The following CNTN6 variants were observed in gnomAD, a reference collection of about 807,000 sequenced individuals.
The protein encoded by CNTN6 is contactin-6.
CNTN6 carries 137 observed loss-of-function variants against 122.8 expected under a neutral mutation model. The ratio of observed to expected loss-of-function variants is 1.12; its 90% CI spans 0.97 to 1.29. The LOEUF is 1.29. CNTN6 is among the 50% of genes most tolerant of loss of function. The pLI is 0.00. For synonymous variants in CNTN6, 570 were observed against 426.0 expected, an observed-to-expected ratio of 1.34 and a Z score of -4.16; for missense variants, 1,634 against 1,223.4, an observed-to-expected ratio of 1.34 and a Z score of -5.01.
intron 2 of CNTN6, among the ~76,000 whole-genome samples, chr3:1,198,421 T>C (rs1370351882): frequency 1.3e-5 from 2 of 152,168 alleles, no homozygotes; most frequent in Non-Finnish European, 2.9e-5. Context: ...ACCACACAAA[T>C]TGCATTTTGA....
At chr3:1,282,970 A>G (rs1015738408) in intron 5 of CNTN6, among the ~76,000 whole-genome samples, 7 of 152,102 alleles carry the variant, frequency 4.6e-5, no homozygotes, top group Non-Finnish European at 1.0e-4. Context: ...AGAAAGAGAC[A>G]ACACAAAACT....
intron 19 of CNTN6, among the ~76,000 whole-genome samples, chr3:1,384,403 C>A (rs879157199): frequency 7.0e-6 from 1 of 141,892 alleles, no homozygotes; most frequent in African/African-American, 3.1e-5. Flanking sequence ...AAGATGTAAT[C>A]ATCTCAGAAA....
chr3:1,282,665 A>C (rs1693673906), intron 5 of CNTN6, among the ~76,000 whole-genome samples: 1 of 152,198 alleles, frequency 6.6e-6, no homozygotes, highest in South Asian at 2.1e-4. Flanking sequence ...ACTGCAATGC[A>C]CATCTGATTA....
chr3:1,362,809 T>A (rs1226687374), intron 12 of CNTN6, among the ~76,000 whole-genome samples: 1 of 151,464 alleles, frequency 6.6e-6, no homozygotes, highest in Non-Finnish European at 1.5e-5. Context: ...ATTCAAGAAA[T>A]TATGTGAGTC....
At chr3:1,372,506 AAATG>A in intron 13 of CNTN6, 32 bp downstream of exon 13, 1 of 1,533,428 alleles carries the variant, frequency 6.5e-7, no homozygotes, top group East Asian at 2.3e-5. Flanking sequence ...GTGCTTAATA[AAATG>A]AATCAAGTCT....
chr3:1,101,265 G>C (rs1356845710), intron 1 of CNTN6, among the ~76,000 whole-genome samples: 2 of 152,134 alleles, frequency 1.3e-5, no homozygotes, highest in Non-Finnish European at 2.9e-5. Context: ...TAATGCAAAG[G>C]ACCCCTTTTT....
At chr3:1,389,946 C>G (rs1274793318) in intron 20 of CNTN6, among the ~76,000 whole-genome samples, 1 of 150,446 alleles carries the variant, frequency 6.6e-6, no homozygotes, top group Non-Finnish European at 1.5e-5. Context: ...CTTAGACTCC[C>G]ACACATTAAT....
chr3:1,310,003 A>T (rs1461382678), intron 7 of CNTN6, among the ~76,000 whole-genome samples: 7 of 152,116 alleles, frequency 4.6e-5, no homozygotes, highest in Non-Finnish European at 1.0e-4. Context: ...GCCTTGCTAT[A>T]AGCACTTATT....
intron 20 of CNTN6, among the ~76,000 whole-genome samples, chr3:1,387,850 G>C (rs368532983): frequency 2.1e-5 from 3 of 142,386 alleles, no homozygotes; most frequent in African/African-American, 4.9e-5. Flanking sequence ...TGCGCTTTTC[G>C]GACCAGCTTA....
chr3:1,381,179 C>T (rs933864621), intron 17 of CNTN6, among the ~76,000 whole-genome samples: 3 of 152,074 alleles, frequency 2.0e-5, no homozygotes, highest in African/African-American at 7.2e-5. Flanking sequence ...TGATTAAATC[C>T]GAGATGAAAG....
At chr3:1,191,767 T>TA (rs2093706139) in intron 2 of CNTN6, among the ~76,000 whole-genome samples, 1 of 152,176 alleles carries the variant, frequency 6.6e-6, no homozygotes, top group African/African-American at 2.4e-5. Context: ...GGGCTACACT[T>TA]ACTCTAGGTA....
chr3:1,373,385 T>A (rs1351524010), intron 14 of CNTN6, among the ~76,000 whole-genome samples: 5 of 152,098 alleles, frequency 3.3e-5, no homozygotes, highest in Non-Finnish European at 7.4e-5. Flanking sequence ...AATCATCCTA[T>A]GCCTGATATT....
At chr3:1,107,407 A>G (rs1432363545) in intron 1 of CNTN6, among the ~76,000 whole-genome samples, 3 of 152,156 alleles carry the variant, frequency 2.0e-5, no homozygotes, top group Admixed American at 2.0e-4. Context: ...ATATTTATTC[A>G]TGGCAAATCC....
At chr3:1,231,937 T>C (rs749993) in intron 4 of CNTN6, among the ~76,000 whole-genome samples, 27,978 of 152,158 alleles carry the variant, frequency 0.18, 2,678 homozygotes, top group Non-Finnish European at 0.22. Flanking sequence ...CAATTTCTTT[T>C]ATTTATCAAA....
chr3:1,399,437 G>A (rs1390553134), intron 20 of CNTN6, among the ~76,000 whole-genome samples: 1 of 151,954 alleles, frequency 6.6e-6, no homozygotes, highest in African/African-American at 2.4e-5. Context: ...GACAAGCAAA[G>A]TAATGGATGC....
At chr3:1,399,477 A>C (rs532201015) in intron 20 of CNTN6, among the ~76,000 whole-genome samples, 1 of 152,234 alleles carries the variant, frequency 6.6e-6, no homozygotes, top group South Asian at 2.1e-4. Context: ...CAGGCCTTTA[A>C]TTATGGGTTT....
At chr3:1,169,334 G>A (rs1504075) in intron 2 of CNTN6, among the ~76,000 whole-genome samples, 38,167 of 151,832 alleles carry the variant, frequency 0.25, 4,942 homozygotes, top group African/African-American at 0.3. Context: ...GGGGAAGGAG[G>A]GGACATTCAG....
intron 7 of CNTN6, among the ~76,000 whole-genome samples, chr3:1,316,229 G>T (rs1487558513): frequency 6.6e-6 from 1 of 151,838 alleles, no homozygotes; most frequent in Non-Finnish European, 1.5e-5. Flanking sequence ...CTGCTATAAA[G>T]AAATAACAGG....
At chr3:1,304,488 C>G (rs1697991198) in intron 7 of CNTN6, among the ~76,000 whole-genome samples, 1 of 152,092 alleles carries the variant, frequency 6.6e-6, no homozygotes, top group Non-Finnish European at 1.5e-5. Flanking sequence ...ATTGAATTAA[C>G]TTCTAAGTAT....
Sources: allele counts gnomAD v4.1 joint callset (sites outside exome capture counted in the v4.1 genomes callset), GRCh38; gene constraint gnomAD v4.1.1; transcripts MANE v1.5; gene names NCBI Gene and HGNC (gene_info 2026-07-23, HGNC 2026-07-21).